DNAH17: variants seen among roughly 807,000 people sequenced by gnomAD.
DNAH17 encodes dynein axonemal heavy chain 17.
In DNAH17, 376 loss-of-function variants were observed where a neutral mutation model predicts 485.6. That is an observed-to-expected ratio of 0.77 (90% CI 0.71 to 0.84). The LOEUF is 0.84. DNAH17 is among the 40% of genes least tolerant of loss of function. DNAH17 has a pLI of 0.00. For missense variants in DNAH17, 6,370 were observed against 5,839.3 expected (o/e 1.09, Z -2.96); for synonymous variants, 3,031 against 2,405.9 (o/e 1.26, Z -7.60).
intron 56 of DNAH17, among the ~76,000 whole-genome samples, chr17:78,465,954 G>A (rs547006766): frequency 4.0e-4 from 61 of 152,328 alleles, no homozygotes; most frequent in African/African-American, 1.4e-3. Flanking sequence ...TTGAGAGCGG[G>A]CCAGGATGAC....
intron 75 of DNAH17, 97 bp from the exon 76 acceptor site, chr17:78,429,397 C>T (rs904007222): frequency 7.4e-7 from 1 of 1,356,030 alleles, no homozygotes; most frequent in Non-Finnish European, 1.0e-6. Context: ...GGGAACCCAG[C>T]CATTGGTGCT....
chr17:78,451,664 C>T lies in DNAH17; in HGVS notation c.10539G>A (p.Lys3513=). The T allele has an allele frequency of 3.2e-6, 5 of 1,568,596 alleles. No homozygotes were observed. Among genetic ancestry groups the T allele is most frequent in the Non-Finnish European group, 4.3e-6 (5 of 1,156,830 alleles). The change falls in exon 66 of 81, where the codon AAG becomes AAA. Residue 3513 remains lysine (K), a synonymous_variant. Transcript: ENST00000389840. ...RNTIKKGKYI[K]IGDKEVEYHP... is the part of the protein sequence containing the mutation. ...GGTACTCCACCTCCTTGTCACCGATCTTAATGTACCTGGCGGTTGGTGGAG... is the reference window on the plus strand; with the variant it reads ...GGTACTCCACCTCCTTGTCACCGATTTTAATGTACCTGGCGGTTGGTGGAG...
In DNAH17 at chr17:78,437,776, G is replaced by C. The variant is rs757256668; in HGVS notation, c.11898C>G (p.Ile3966Met). The change falls in exon 74 of 81, where the codon ATC (isoleucine) becomes ATG (methionine). Residue 3966 changes from isoleucine to methionine, a missense_variant. Transcript: ENST00000389840. The part of the protein sequence containing the change: ...TGSHEDYRVF[I>M]SAEPAPSPET... The stretch of plus-strand genomic sequence containing the variant: ...CGGGGCTGGGGGCAGGCTCCGCGCT[G>C]ATGAACACCCGGTAGTCCTCATGGC... The C allele has an allele frequency of 6.2e-7, 1 of 1,612,482 alleles. No individual in the cohort carries two copies. The highest frequency in any genetic ancestry group is 1.3e-5 in the African/African-American group (1 of 74,924).
intron 26 of DNAH17, among the ~76,000 whole-genome samples, chr17:78,513,251 TA>T (rs1247492887): frequency 6.6e-6 from 1 of 152,042 alleles, no homozygotes; most frequent in African/African-American, 2.4e-5. Context: ...ACAGAGAACC[TA>T]AGACTGACCA....
At position 78,424,052 on chromosome 17, in the gene DNAH17, G is replaced by A. The variant is rs142983650; in HGVS notation, c.13243C>T (p.Arg4415Cys). ...TCATAGATGTTCTTGGTCTCCATGC[G>A]GTCCACAGGAATGGCCTTGATGAAG... Reference protein sequence around the residue: ...VIFIKAIPVDRMETKNIYECP... With the variant: ...VIFIKAIPVDCMETKNIYECP... The change falls in exon 81 of 81, where the codon CGC becomes TGC. Residue 4415 changes from arginine (R) to cysteine (C), a missense_variant. By Grantham distance (180) the Arg-to-Cys change is radical. Transcript: ENST00000389840. The A allele has an allele frequency of 4.5e-4, 729 of 1,614,046 alleles. No homozygotes were observed. Among genetic ancestry groups the A allele is most frequent in the Middle Eastern group, 6.6e-4 (4 of 6,062 alleles).
At position 78,441,042 on chromosome 17, in the gene DNAH17, T is replaced by C. The variant is rs1210657700; in HGVS notation, c.11677+9A>G. ...GTCTTTGAGAACATCACTTGCCTGCTACACTTACCCAGGGCTTCCACGTCT... is the reference window on the plus strand; with the variant it reads ...GTCTTTGAGAACATCACTTGCCTGCCACACTTACCCAGGGCTTCCACGTCT... On this transcript the variant is annotated intron_variant, in intron 72 of 80. Transcript: ENST00000389840. 7.6e-6 allele frequency: 12 copies of C among 1,571,100 alleles called. No individual in the cohort carries two copies. The highest frequency in any genetic ancestry group is 1.0e-5 in the Non-Finnish European group (12 of 1,157,312).
chr17:78,458,114 C>G (rs1197867127), intron 62 of DNAH17, among the ~76,000 whole-genome samples: 1 of 152,218 alleles, frequency 6.6e-6, no homozygotes, highest in Non-Finnish European at 1.5e-5. Context: ...AGCCTCTGTA[C>G]TTTTTAAATG....
intron 31 of DNAH17, among the ~76,000 whole-genome samples, chr17:78,503,818 T>C (rs1471100423): frequency 6.6e-6 from 1 of 151,636 alleles, no homozygotes; most frequent in Non-Finnish European, 1.5e-5. Flanking sequence ...ATACAAAAAT[T>C]AGCCGGGCAC....
At position 78,570,881 on chromosome 17, in the gene DNAH17, A is replaced by G. The variant is rs1598747638; in HGVS notation, c.918+67T>C. On this transcript the variant is annotated intron_variant, in intron 6 of 80. Coordinates refer to ENST00000389840, the MANE Select transcript of DNAH17 (RefSeq NM_173628.4). ...CAAAAAAAAAAAAAAAAAAAAAAGA[A>G]AAAAGAAAAGAAAAGAAAAGAAACA... The G allele has an allele frequency of 1.4e-5, 11 of 812,474 alleles. No homozygotes were observed. The East Asian group carries it at 1.6e-4, about 12-fold the overall frequency. 50.3% of individuals were successfully genotyped at this position (812,474 alleles called of 1,614,324 possible). A position where few individuals can be genotyped will look rare whatever the true frequency, so the allele number is the denominator to read the frequency against.
At chr17:78,526,501 T>G in intron 24 of DNAH17, 150 bp downstream of exon 24, 1 of 627,406 alleles carries the variant, frequency 1.6e-6, no homozygotes, top group Non-Finnish European at 2.7e-6. Flanking sequence ...CACACGTATG[T>G]GCATGCATAC....
chr17:78,438,957 G>C (rs1013862280), intron 73 of DNAH17, 133 bp downstream of exon 73: 1 of 1,325,634 alleles, frequency 7.5e-7, no homozygotes, highest in Non-Finnish European at 1.0e-6. Context: ...TCCTCCTTCA[G>C]TGGTGTTAGG....
intron 48 of DNAH17, among the ~76,000 whole-genome samples, chr17:78,481,304 C>T (rs180826705): frequency 1.6e-4 from 24 of 151,806 alleles, no homozygotes; most frequent in Non-Finnish European, 2.8e-4. Flanking sequence ...TGGGTTTCAC[C>T]GTGTTAGCCA....
rs201554706 is a variant in DNAH17 at position 78,552,671 on chromosome 17, A to G, written c.2287+26T>C. 2.5e-4 allele frequency: 397 copies of G among 1,568,300 alleles called. 1 individual carries two copies. Among genetic ancestry groups the G allele is most frequent in the Middle Eastern group, 1.2e-3 (7 of 5,972 alleles). ...AGGTTGGACTCCCAAGTTTAATCCA[A>G]TGTGGGAGGAATGTGGCCTCCGTAC... On this transcript the variant is annotated intron_variant, in intron 15 of 80. Transcript: ENST00000389840.
intron 64 of DNAH17, 68 bp downstream of exon 64, chr17:78,454,397 ACCAAT>A: frequency 8.1e-7 from 1 of 1,232,550 alleles, no homozygotes; most frequent in Non-Finnish European, 1.1e-6. Context: ...CATCCATTGA[ACCAAT>A]ATGGAATGCC....
chr17:78,519,518 A>G (rs2090880728), intron 25 of DNAH17, among the ~76,000 whole-genome samples: 1 of 152,256 alleles, frequency 6.6e-6, no homozygotes, highest in African/African-American at 2.4e-5. Context: ...TTGAAAAATC[A>G]ATAAAGTTTA....
intron 62 of DNAH17, 89 bp from the exon 63 acceptor site, chr17:78,455,925 T>A: frequency 8.7e-7 from 1 of 1,154,354 alleles, no homozygotes; most frequent in Non-Finnish European, 1.2e-6. Flanking sequence ...TCTGTGAATC[T>A]TCAGAGTTTC....
intron 52 of DNAH17, 46 bp from the exon 53 acceptor site, chr17:78,475,879 T>G: frequency 1.3e-6 from 2 of 1,595,248 alleles, no homozygotes; most frequent in South Asian, 1.1e-5. Flanking sequence ...TTTGCCACCA[T>G]GACCACACAG....
At chr17:78,440,476 T>C (rs1389115771) in intron 72 of DNAH17, among the ~76,000 whole-genome samples, 3 of 151,982 alleles carry the variant, frequency 2.0e-5, no homozygotes, top group African/African-American at 7.3e-5. Flanking sequence ...CCAAGGCTGG[T>C]CTTGAACTCC....
intron 16 of DNAH17, among the ~76,000 whole-genome samples, chr17:78,545,553 G>A (rs906606499): frequency 1.3e-5 from 2 of 152,024 alleles, no homozygotes; most frequent in African/African-American, 4.8e-5. Flanking sequence ...TTGCTATAAG[G>A]GCACGAATCT....
Sources: gnomAD v4.1 joint callset for allele counts (sites outside exome capture counted in the v4.1 genomes callset) on GRCh38, gnomAD v4.1.1 for gene constraint, MANE v1.5 for transcripts, NCBI Gene and HGNC (gene_info 2026-07-23, HGNC 2026-07-21) for gene names.